Variants in SMAP1 observed in about 807,000 individuals in gnomAD.
The protein encoded by SMAP1 is stromal membrane-associated protein 1.
Under a neutral mutation model 58.5 loss-of-function variants are expected in SMAP1, and 24 were observed. The observed-to-expected ratio is 0.41, with a 90% confidence interval of 0.30 to 0.58. The LOEUF (loss-of-function observed/expected upper bound fraction) is 0.58. Ranked by LOEUF, SMAP1 falls within the 20% of genes least tolerant of loss-of-function variation. The pLI is 0.29. For synonymous variants in SMAP1, 216 were observed against 196.6 expected (o/e 1.10, Z -0.82); for missense variants, 563 against 566.3 (o/e 0.99, Z 0.06).
intron 1 of SMAP1, among the ~76,000 whole-genome samples, chr6:70,711,156 C>T (rs148954039): frequency 5.1e-4 from 78 of 152,182 alleles, no homozygotes; most frequent in African/African-American, 1.6e-3. Context: ...ATACATAAAC[C>T]AGTACCATAG....
intron 6 of SMAP1, among the ~76,000 whole-genome samples, chr6:70,804,519 G>T (rs997857680): frequency 4.6e-5 from 7 of 152,084 alleles, no homozygotes; most frequent in Admixed American, 6.6e-5. Flanking sequence ...ATTGTTATGT[G>T]TGAATGAGAT....
intron 2 of SMAP1, among the ~76,000 whole-genome samples, chr6:70,740,388 G>A (rs767107979): frequency 3.3e-5 from 5 of 151,184 alleles, no homozygotes; most frequent in South Asian, 2.1e-4. Context: ...GCAAAATGCC[G>A]TCTCTACTGA....
At chr6:70,805,956 G>C (rs947360170) in intron 6 of SMAP1, among the ~76,000 whole-genome samples, 1 of 152,312 alleles carries the variant, frequency 6.6e-6, no homozygotes, top group East Asian at 1.9e-4. Context: ...TAGGCTACAC[G>C]GGGGTCAGGG....
rs138623433 is a variant in SMAP1 at position 70,713,955 on chromosome 6, ATCT to A, written c.119-18418_119-18416del. Among the ~76,000 whole-genome samples, 273 of 152,200 alleles carry A rather than the reference ATCT, an allele frequency of 1.8e-3. 2 individuals are homozygous for A. The highest frequency in any genetic ancestry group is 6.3e-3 in the African/African-American group (262 of 41,534). On this transcript the variant is annotated intron_variant, in intron 1 of 10. Transcript: ENST00000370455. Reference sequence around the variant, plus strand: ...GTGTGTATTTGTTTACAATTGTTATATCTTCTTGTTGAATTGATCCTTTTGTCA... The same window carrying A: ...GTGTGTATTTGTTTACAATTGTTATATCTTGTTGAATTGATCCTTTTGTCA...
chr6:70,831,367 T>A (rs1463520700), intron 6 of SMAP1, among the ~76,000 whole-genome samples: 1 of 152,134 alleles, frequency 6.6e-6, no homozygotes, highest in African/African-American at 2.4e-5. Context: ...TATTTTGTCA[T>A]CCAAGTCATA....
At chr6:70,683,532 G>C (rs909672259) in intron 1 of SMAP1, among the ~76,000 whole-genome samples, 1 of 152,054 alleles carries the variant, frequency 6.6e-6, no homozygotes, top group Non-Finnish European at 1.5e-5. Flanking sequence ...TACATTTTGG[G>C]AGGGTGGGAT....
intron 6 of SMAP1, among the ~76,000 whole-genome samples, chr6:70,800,249 T>C (rs1249047271): frequency 2.0e-5 from 3 of 151,804 alleles, no homozygotes; most frequent in African/African-American, 7.3e-5. Flanking sequence ...TACCTGTGAA[T>C]AGCCACTGCA....
rs753307436 is a variant in SMAP1 at position 70,667,986 on chromosome 6, C to A, written c.-38C>A. 2 of 1,535,308 alleles carry A rather than the reference C, an allele frequency of 1.3e-6. No individual in the cohort carries two copies. The highest frequency in any genetic ancestry group is 1.8e-6 in the Non-Finnish European group (2 of 1,137,572). ...CCCGGCTCCAGCCAGCGTCCGCCGC[C>A]GCCGTAGCTGCCCCAGGCTCCCCGC... On this transcript the variant is annotated 5_prime_UTR_variant, in exon 1 of 11. Coordinates refer to ENST00000370455, the MANE Select transcript of SMAP1 (RefSeq NM_001044305.3).
intron 1 of SMAP1, among the ~76,000 whole-genome samples, chr6:70,681,113 T>TAA (rs113158590): frequency 1.1e-3 from 162 of 147,798 alleles, no homozygotes; most frequent in African/African-American, 2.7e-3. Flanking sequence ...GGAGTTTATT[T>TAA]AAAAAAAAAA....
At chr6:70,678,769 C>T (rs1277966061) in intron 1 of SMAP1, among the ~76,000 whole-genome samples, 4 of 152,140 alleles carry the variant, frequency 2.6e-5, no homozygotes, top group African/African-American at 9.7e-5. Context: ...CTCCTTCCTC[C>T]ATCTTTGAAA....
At chr6:70,757,833 C>G (rs1320731434) in intron 3 of SMAP1, among the ~76,000 whole-genome samples, 7 of 152,136 alleles carry the variant, frequency 4.6e-5, no homozygotes, top group East Asian at 1.9e-4. Context: ...CCATCTCACA[C>G]CAGTTAGAAT....
chr6:70,696,784 C>T (rs1767423159), intron 1 of SMAP1, among the ~76,000 whole-genome samples: 1 of 152,032 alleles, frequency 6.6e-6, no homozygotes. Flanking sequence ...CAGATTAAGT[C>T]CAATGTTTCT....
intron 10 of SMAP1, 35 bp downstream of exon 10, chr6:70,858,264 C>G (rs1554211076): frequency 1.8e-6 from 1 of 561,652 alleles, no homozygotes; most frequent in Non-Finnish European, 3.1e-6. Context: ...TCTCCCAAAT[C>G]AAACCAGATT....
chr6:70,791,605 G>C (rs1041179741), intron 4 of SMAP1, 84 bp from the exon 5 acceptor site: 5 of 1,117,404 alleles, frequency 4.5e-6, no homozygotes, highest in Admixed American at 2.1e-5. Flanking sequence ...AAAATATACA[G>C]GGATTTTTTC....
intron 1 of SMAP1, among the ~76,000 whole-genome samples, chr6:70,674,757 T>C (rs1470678078): frequency 6.6e-6 from 1 of 152,208 alleles, no homozygotes; most frequent in African/African-American, 2.4e-5. Flanking sequence ...GTGGATCATC[T>C]GAGGCCAGGA....
intron 3 of SMAP1, among the ~76,000 whole-genome samples, chr6:70,761,063 GTGT>G (rs1381594471): frequency 1.3e-5 from 2 of 152,090 alleles, no homozygotes; most frequent in East Asian, 3.9e-4. Flanking sequence ...TCAGTGCTGT[GTGT>G]TTGAAACTGG....
At chr6:70,819,271 A>C (rs1769780091) in intron 6 of SMAP1, among the ~76,000 whole-genome samples, 1 of 152,028 alleles carries the variant, frequency 6.6e-6, no homozygotes. Context: ...TCTCTCATCA[A>C]CAAAAAGATG....
chr6:70,771,364 C>T (rs1767297814), intron 3 of SMAP1, among the ~76,000 whole-genome samples: 1 of 144,888 alleles, frequency 6.9e-6, no homozygotes, highest in African/African-American at 2.7e-5. Context: ...TTGGAGCCTA[C>T]AGAGGCCGGC....
chr6:70,676,886 G>A (rs1766502431), intron 1 of SMAP1, among the ~76,000 whole-genome samples: 1 of 152,092 alleles, frequency 6.6e-6, no homozygotes, highest in African/African-American at 2.4e-5. Flanking sequence ...GGGCTCAAGT[G>A]ATCCACCTGC....
Sources: allele counts gnomAD v4.1 joint callset (sites outside exome capture counted in the v4.1 genomes callset), GRCh38; gene constraint gnomAD v4.1.1; transcripts MANE v1.5; gene names NCBI Gene and HGNC (gene_info 2026-07-23, HGNC 2026-07-21).